ZNF90: variants seen among roughly 807,000 people sequenced by gnomAD.
ZNF90 encodes the protein zinc finger protein HTF9.
A neutral mutation model predicts 12.0 loss-of-function variants in ZNF90; 11 were observed. The observed-to-expected ratio is 0.92, with a 90% CI of 0.58 to 1.52. The LOEUF (loss-of-function observed/expected upper bound fraction) is 1.52, where lower values mean the gene tolerates loss of function less well. Among genes scored for constraint, ZNF90 ranks in the 40% most tolerant of loss-of-function variants. The probability of loss-of-function intolerance (pLI) is 0.00; values close to 1 mark genes in which losing one functional copy is unlikely to be tolerated. For synonymous variants in ZNF90, 232 were observed against 240.1 expected (o/e 0.97, Z 0.31); for missense variants, 765 against 711.5 (o/e 1.08, Z -0.86).
chr19:20,085,780 T>C (rs1209027278), intron 1 of ZNF90, among the ~76,000 whole-genome samples: 3 of 152,238 alleles, frequency 2.0e-5, no homozygotes, highest in Non-Finnish European at 4.4e-5. Flanking sequence ...TTGAAATATA[T>C]GTAAATCATA....
chr19:20,081,815 A>G (rs2088822101), intron 1 of ZNF90, among the ~76,000 whole-genome samples: 1 of 145,920 alleles, frequency 6.9e-6, no homozygotes, highest in Non-Finnish European at 1.5e-5. Context: ...TCCAGGCTGG[A>G]GTGCAGTGGC....
rs190630538 is a variant in ZNF90 at position 20,108,151 on chromosome 19, G to T, written c.226+2835G>T. 5.1e-4 allele frequency among the ~76,000 whole-genome samples: 77 copies of T among 152,056 alleles called. No individual in the cohort carries two copies. In the East Asian group the frequency reaches 0.013, roughly 26 times the overall value. Reference sequence around the variant, plus strand: ...TTTTTTAACAAATCTAGTTTTAAATGCTAATTTATTAAAAGTTTCTCATTA... The same window carrying T: ...TTTTTTAACAAATCTAGTTTTAAATTCTAATTTATTAAAAGTTTCTCATTA... On this transcript the variant is annotated intron_variant, in intron 3 of 3. Coordinates refer to ENST00000418063, the MANE Select transcript of ZNF90 (RefSeq NM_007138.2).
At chr19:20,096,362 C>G (rs1392515237) in intron 1 of ZNF90, among the ~76,000 whole-genome samples, 1 of 152,148 alleles carries the variant, frequency 6.6e-6, no homozygotes, top group Non-Finnish European at 1.5e-5. Context: ...GAAGAGACCA[C>G]CAAACAGGCT....
intron 1 of ZNF90, among the ~76,000 whole-genome samples, chr19:20,092,425 T>A (rs2088909896): frequency 6.6e-6 from 1 of 152,124 alleles, no homozygotes; most frequent in Non-Finnish European, 1.5e-5. Flanking sequence ...GAATTCAGAC[T>A]GCACAGCCCT....
intron 1 of ZNF90, among the ~76,000 whole-genome samples, chr19:20,093,637 A>G (rs1303949976): frequency 6.6e-6 from 1 of 152,144 alleles, no homozygotes; most frequent in Non-Finnish European, 1.5e-5. Context: ...AAGAGTGCAT[A>G]AAAGAGTGTT....
chr19:20,114,476 TC>T (rs1253674249), intron 3 of ZNF90, among the ~76,000 whole-genome samples: 2 of 152,242 alleles, frequency 1.3e-5, no homozygotes, highest in South Asian at 2.1e-4. Flanking sequence ...GATTTATATA[TC>T]TTATACAATA....
At chr19:20,091,206 C>T (rs1043187155) in intron 1 of ZNF90, among the ~76,000 whole-genome samples, 1 of 152,090 alleles carries the variant, frequency 6.6e-6, no homozygotes, top group African/African-American at 2.4e-5. Context: ...ATTTGCCAGT[C>T]CTGGGCAGGG....
At chr19:20,079,965 C>G in intron 1 of ZNF90, 1 of 265,328 alleles carries the variant, frequency 3.8e-6, no homozygotes, top group Non-Finnish European at 7.2e-6. Flanking sequence ...GATGAAGTTT[C>G]TCTCTTATTG....
At position 20,105,213 on chromosome 19, in the gene ZNF90, T is replaced by C. The variant is rs781917515; in HGVS notation, c.131-8T>C. ...GAAGATTCATGTTATTTATTTTTAA[T>C]AAAACAGGTATTGTTGTCACTAAGC... On this transcript the variant is annotated splice_region_variant and splice_polypyrimidine_tract_variant and intron_variant, in intron 2 of 3. Coordinates refer to ENST00000418063, the MANE Select transcript of ZNF90 (RefSeq NM_007138.2). 1.2e-5 allele frequency: 19 copies of C among 1,591,698 alleles called. No homozygotes were observed. The highest frequency in any genetic ancestry group is 3.4e-6 in the Non-Finnish European group (4 of 1,168,074).
Position 20,119,478 on chromosome 19 carries a change from T to TTC in ZNF90, c.*118_*119insTC. 1 of 848,262 alleles carries TTC rather than the reference T, an allele frequency of 1.2e-6. No homozygotes were observed. The highest frequency in any genetic ancestry group is 2.7e-5 in the East Asian group (1 of 37,466). 52.5% of individuals were successfully genotyped at this position (848,262 alleles called of 1,614,324 possible). On this transcript the variant is annotated 3_prime_UTR_variant, in exon 4 of 4. Coordinates refer to ENST00000418063, the MANE Select transcript of ZNF90 (RefSeq NM_007138.2). Reference sequence around the variant, plus strand: ...TCTACTCTTACTAAATATGAGAATTTATATGAAACATAACTCCTACAAAAA... The same window carrying TTC: ...TCTACTCTTACTAAATATGAGAATTTTCATATGAAACATAACTCCTACAAAAA...
At chr19:20,098,536 A>G (rs547832048) in intron 1 of ZNF90, among the ~76,000 whole-genome samples, 45 of 152,262 alleles carry the variant, frequency 3.0e-4, no homozygotes, top group Non-Finnish European at 5.6e-4. Flanking sequence ...AAAATGTGAT[A>G]CTGGAGTAGA....
chr19:20,082,921 C>T (rs2088831189), intron 1 of ZNF90, among the ~76,000 whole-genome samples: 1 of 152,214 alleles, frequency 6.6e-6, no homozygotes. Context: ...CCCCTTAACG[C>T]TGGAGGTGAG....
At chr19:20,105,035 A>G (rs2089022305) in intron 2 of ZNF90, among the ~76,000 whole-genome samples, 186 bp from the exon 3 acceptor site, 1 of 152,092 alleles carries the variant, frequency 6.6e-6, no homozygotes, top group Non-Finnish European at 1.5e-5. Context: ...AACAAAACAA[A>G]AAACCACACA....
At chr19:20,104,027 G>GA (rs1166731895) in intron 1 of ZNF90, among the ~76,000 whole-genome samples, 7 of 152,116 alleles carry the variant, frequency 4.6e-5, no homozygotes, top group Non-Finnish European at 1.0e-4. Flanking sequence ...TATCATATAT[G>GA]AACTGATGTT....
intron 3 of ZNF90, among the ~76,000 whole-genome samples, chr19:20,109,990 T>C (rs1555704890): frequency 6.6e-6 from 1 of 152,238 alleles, no homozygotes; most frequent in African/African-American, 2.4e-5. Flanking sequence ...CCTTCCACTT[T>C]CTGATTTTAT....
rs958184631 is a variant in ZNF90 at position 20,089,632 on chromosome 19, A to T, written c.3+11497A>T. 9.9e-5 allele frequency among the ~76,000 whole-genome samples: 15 copies of T among 152,130 alleles called. 1 individual carries two copies. The highest frequency in any genetic ancestry group is 1.9e-4 in the Non-Finnish European group (13 of 68,024). On this transcript the variant is annotated intron_variant, in intron 1 of 3. Transcript: ENST00000418063. ...GGGGGGAAGTAGAGTTAATATAAGG[A>T]GAAAGGTTTTTTAAATAAGTGCGAA...
chr19:20,103,745 T>G lies in ZNF90; in HGVS notation c.4-494T>G, dbSNP rs113295147. On this transcript the variant is annotated intron_variant, in intron 1 of 3. Transcript: ENST00000418063. ...GTGGATGTTTGACAAAATATCCTTC[T>G]TGGGCCAAAAACATTGACATTATTC... Among the ~76,000 whole-genome samples the G allele has an allele frequency of 4.8e-3, 731 of 152,276 alleles. 7 individuals carry two copies. Among genetic ancestry groups the G allele is most frequent in the African/African-American group, 0.016 (658 of 41,542 alleles).
chr19:20,105,365 C>G, intron 3 of ZNF90, 49 bp downstream of exon 3: 1 of 1,473,744 alleles, frequency 6.8e-7, no homozygotes, highest in Non-Finnish European at 9.3e-7. Context: ...ATAAGAGGTC[C>G]CAAGGTCAAA....
chr19:20,098,806 G>GA (rs2088967677), intron 1 of ZNF90, among the ~76,000 whole-genome samples: 1 of 152,210 alleles, frequency 6.6e-6, no homozygotes, highest in South Asian at 2.1e-4. Context: ...CAGTGTAAGA[G>GA]AAACGAGTCA....
Sources: gnomAD v4.1 joint callset for allele counts (sites outside exome capture counted in the v4.1 genomes callset) on GRCh38, gnomAD v4.1.1 for gene constraint, MANE v1.5 for transcripts, NCBI Gene and HGNC (gene_info 2026-07-23, HGNC 2026-07-21) for gene names.